Variants in USP42 observed in about 807,000 individuals in gnomAD.
The protein encoded by USP42 is ubiquitin carboxyl-terminal hydrolase 42.
A neutral mutation model predicts 113.0 loss-of-function variants in USP42; 23 were observed. The observed-to-expected ratio is 0.20, with a 90% CI of 0.15 to 0.29. USP42 has a LOEUF of 0.29. Among genes scored for constraint, USP42 ranks in the 10% least tolerant of loss-of-function variants. The probability of loss-of-function intolerance (pLI) is 1.00; values close to 1 mark genes in which losing one functional copy is unlikely to be tolerated. For synonymous variants in USP42, 933 were observed against 699.0 expected (o/e 1.33, Z -5.28); for missense variants, 2,174 against 1,779.8 (o/e 1.22, Z -3.99).
intron 3 of USP42, among the ~76,000 whole-genome samples, chr7:6,118,388 G>A (rs530023386): frequency 1.3e-5 from 2 of 152,238 alleles, no homozygotes; most frequent in African/African-American, 2.4e-5. Flanking sequence ...TGGGCTTGGC[G>A]GTGTGCGCCT....
At chr7:6,149,112 G>A (rs906804281) in intron 12 of USP42, among the ~76,000 whole-genome samples, 5 of 152,200 alleles carry the variant, frequency 3.3e-5, no homozygotes, top group East Asian at 1.9e-4. Context: ...ATGTGGAGAC[G>A]TTGTGGGGCA....
In USP42 at chr7:6,156,999, A is replaced by T; in HGVS notation, c.3887A>T (p.Lys1296Ile). 1.2e-6 allele frequency: 2 copies of T among 1,613,566 alleles called. No homozygotes were observed. Residue 1296 changes from lysine to isoleucine, a missense_variant, in exon 16 of 18, where the codon AAA becomes ATA. By Grantham distance (102) the Lys-to-Ile change is moderately radical. Transcript: ENST00000306177. Reference sequence around the variant, plus strand: ...GTCGGACCTTTCCGTGAGAAAACGAAACACTTACGGATGGAAAGCAGGGAT... The same window carrying T: ...GTCGGACCTTTCCGTGAGAAAACGATACACTTACGGATGGAAAGCAGGGAT... ...EGVGPFREKT[K>I]HLRMESRDDR...
At chr7:6,142,841 G>A (rs1781507546) in intron 7 of USP42, 91 bp from the exon 8 acceptor site, 6 of 1,198,924 alleles carry the variant, frequency 5.0e-6, no homozygotes, top group Non-Finnish European at 6.1e-6. Context: ...CTGTGATTGT[G>A]CCACTGCACT....
chr7:6,100,006 A>ATTT (rs202111561), upstream of USP42, among the ~76,000 whole-genome samples: 442 of 145,774 alleles, frequency 3.0e-3, 9 homozygotes, highest in Non-Finnish European at 3.9e-3. Context: ...TCACAAGTCT[A>ATTT]TTATTATTAT....
intron 7 of USP42, 25 bp downstream of exon 7, chr7:6,141,009 A>C (rs749593344): frequency 8.2e-6 from 10 of 1,217,096 alleles, no homozygotes; most frequent in Middle Eastern, 2.1e-4. Context: ...TATGGGAGTA[A>C]TTACATTTTT....
the USP42 span, among the ~76,000 whole-genome samples, chr7:6,082,618 T>G: frequency 8.7e-6 from 1 of 114,564 alleles, no homozygotes; most frequent in African/African-American, 3.2e-5. Context: ...TTTTTTTTTT[T>G]TTTTTTTTTT....
At chr7:6,141,196 CTTTTCTTTT>C (rs1781410394) in intron 7 of USP42, among the ~76,000 whole-genome samples, 1 of 131,872 alleles carries the variant, frequency 7.6e-6, no homozygotes, top group Non-Finnish European at 1.6e-5. Flanking sequence ...TTTTCTTTTT[CTTTTCTTTT>C]TTTTTTTTTT....
At chr7:6,118,383 T>A (rs1001975844) in intron 3 of USP42, among the ~76,000 whole-genome samples, 1 of 152,124 alleles carries the variant, frequency 6.6e-6, no homozygotes, top group Non-Finnish European at 1.5e-5. Context: ...TTATCTGGGC[T>A]TGGCGGTGTG....
intron 3 of USP42, among the ~76,000 whole-genome samples, chr7:6,119,191 A>G (rs1384738123): frequency 6.6e-6 from 1 of 152,056 alleles, no homozygotes; most frequent in African/African-American, 2.4e-5. Context: ...TTACAGCCTG[A>G]GTGATAGAGT....
At chr7:6,149,012 G>A (rs556885858) in intron 12 of USP42, among the ~76,000 whole-genome samples, 8 of 152,326 alleles carry the variant, frequency 5.3e-5, no homozygotes, top group African/African-American at 1.7e-4. Context: ...AAGGCCACAC[G>A]TGATCTGTTA....
intron 1 of USP42, among the ~76,000 whole-genome samples, chr7:6,109,194 G>C (rs1286518379): frequency 1.3e-5 from 2 of 152,124 alleles, no homozygotes; most frequent in African/African-American, 4.8e-5. Context: ...GGTTGGAAAA[G>C]AGTCGGAGAA....
intron 7 of USP42, among the ~76,000 whole-genome samples, chr7:6,141,875 T>C (rs1191088532): frequency 6.6e-6 from 1 of 152,262 alleles, no homozygotes; most frequent in Non-Finnish European, 1.5e-5. Context: ...CAGTTTGATA[T>C]GTACTGCTCC....
chr7:6,110,019 A>C (rs1779509848), intron 1 of USP42, among the ~76,000 whole-genome samples: 1 of 151,756 alleles, frequency 6.6e-6, no homozygotes, highest in South Asian at 2.1e-4. Context: ...TTTTTCGTAG[A>C]GACAGGGTCT....
At chr7:6,097,749 C>T in the USP42 span, among the ~76,000 whole-genome samples, 1 of 150,096 alleles carries the variant, frequency 6.7e-6, no homozygotes, top group Non-Finnish European at 1.5e-5. Flanking sequence ...CGCCACCATG[C>T]CCCGCTAATT....
At chr7:6,146,337 T>TTA in intron 11 of USP42, 89 bp downstream of exon 11, 19 of 625,316 alleles carry the variant, frequency 3.0e-5, no homozygotes, top group Admixed American at 3.8e-5. Context: ...TTCAGTGTTT[T>TTA]AAAAAAAAAA....
intron 3 of USP42, among the ~76,000 whole-genome samples, chr7:6,117,320 C>G (rs534098470): frequency 2.0e-5 from 3 of 152,078 alleles, no homozygotes; most frequent in African/African-American, 4.8e-5. Context: ...CATATTATCT[C>G]GCTTCTTTCA....
chr7:6,097,943 T>C, the USP42 span, among the ~76,000 whole-genome samples: 1 of 125,728 alleles, frequency 8.0e-6, no homozygotes, highest in East Asian at 2.4e-4. Context: ...TCTCACTCTG[T>C]TGCCAGGCTG....
chr7:6,084,677 C>G, the USP42 span: 2 of 150,888 alleles, frequency 1.3e-5, no homozygotes, highest in African/African-American at 2.5e-5. Context: ...TCTCAGGTCT[C>G]TTTTACGCCC....
At chr7:6,136,846 T>G (rs953920381) in intron 4 of USP42, among the ~76,000 whole-genome samples, 1 of 151,894 alleles carries the variant, frequency 6.6e-6, no homozygotes, top group Non-Finnish European at 1.5e-5. Context: ...GTCTCACTGT[T>G]TTGCCCAGGC....
Sources: allele counts gnomAD v4.1 joint callset (sites outside exome capture counted in the v4.1 genomes callset), GRCh38; gene constraint gnomAD v4.1.1; transcripts MANE v1.5; gene names NCBI Gene and HGNC (gene_info 2026-07-23, HGNC 2026-07-21).